Variants in PHKA1 observed in about 807,000 individuals in gnomAD.
The protein encoded by PHKA1 is phosphorylase kinase regulatory subunit alpha 1.
A neutral mutation model predicts 110.2 loss-of-function variants in PHKA1; 60 were observed. That is an observed-to-expected ratio of 0.54 (90% CI 0.44 to 0.68). PHKA1 has a LOEUF of 0.68. PHKA1 is among the 30% of genes least tolerant of loss of function. The probability of loss-of-function intolerance (pLI) is 0.00; values close to 1 mark genes in which losing one functional copy is unlikely to be tolerated. For synonymous variants in PHKA1, 316 were observed against 333.6 expected (o/e 0.95, Z 0.58); for missense variants, 801 against 942.5 (o/e 0.85, Z 1.97).
intron 1 of PHKA1, among the ~76,000 whole-genome samples, chrX:72,713,362 T>C (rs1473778159): frequency 9.0e-6 from 1 of 111,222 alleles, no homozygotes; most frequent in East Asian, 2.8e-4. Flanking sequence ...TCCCCAGAAC[T>C]TACTCATCTT....
intron 8 of PHKA1, among the ~76,000 whole-genome samples, chrX:72,661,850 A>G (rs1156401369): frequency 1.8e-5 from 2 of 110,876 alleles, no homozygotes; most frequent in Non-Finnish European, 3.8e-5. Context: ...ATAAACAACT[A>G]AAATTCAAGT....
intron 5 of PHKA1, among the ~76,000 whole-genome samples, chrX:72,683,494 A>G (rs2053934408): frequency 8.9e-6 from 1 of 112,307 alleles, no homozygotes; most frequent in Non-Finnish European, 1.9e-5. Context: ...ATGGAGGTAT[A>G]AATGATATAC....
chrX:72,684,520 A>G lies in PHKA1; in HGVS notation c.515T>C (p.Ile172Thr), dbSNP rs1556318133. ...VNFIQNLVFY[I>T]EAAYKTADFG... ...TACAGCAGTTTTATATGCAGCTTCA[A>G]TGTAAAACACAAGGTTCTGTATGAA... Residue 172 changes from isoleucine (I) to threonine (T), a missense_variant, in exon 5 of 32, where the codon ATT becomes ACT. Ile to Thr is a moderately conservative substitution (Grantham distance 89). Transcript: ENST00000373542. 5.1e-6 allele frequency: 6 copies of G among 1,169,832 alleles called. No homozygotes were observed. In the African/African-American group the frequency reaches 8.8e-5, roughly 17 times the overall value.
Position 72,593,116 on chromosome X carries a change from T to G in PHKA1, c.3231A>C (p.Lys1077Asn), listed in dbSNP as rs782653573. ...VPVGFYQKVW[K>N]VLQKCHGLSV... Reference sequence around the variant, plus strand: ...GTATTATGCTCACCTTCTGCAAAACTTTCCATACTTTCTGATAAAATCCAA... The same window carrying G: ...GTATTATGCTCACCTTCTGCAAAACGTTCCATACTTTCTGATAAAATCCAA... The change falls in exon 29 of 32, where the codon AAA (lysine) becomes AAC (asparagine). Residue 1077 changes from lysine to asparagine, a missense_variant. Physicochemically the swap from Lys to Asn is moderately conservative, Grantham distance 94. Around this residue, in one of 2 missense-constraint regions of PHKA1, gnomAD observed 502 missense variants for 519.2 expected, o/e 0.97. Transcript: ENST00000373542. 1 of 1,192,888 alleles carries G rather than the reference T, an allele frequency of 8.4e-7. No homozygotes were observed. Among genetic ancestry groups the G allele is most frequent in the Admixed American group, 2.2e-5 (1 of 45,768 alleles).
rs1223487201 is a variant in PHKA1 at position 72,657,599 on chromosome X, T to C, written c.907A>G (p.Thr303Ala). 1 of 1,206,060 alleles carries C rather than the reference T, an allele frequency of 8.3e-7. No individual in the cohort carries two copies. Among genetic ancestry groups the C allele is most frequent in the Non-Finnish European group, 1.1e-6 (1 of 892,152 alleles). ...GAAAAGAAACCTACCTCTTTAGGAG[T>C]TTTATATCCATCTCGTAGAAAGCGA... ...CCRFLRDGYK[T>A]PKEDPNRLYY... is the part of the protein sequence containing the mutation. Residue 303 changes from threonine (T) to alanine (A), a missense_variant, in exon 9 of 32, where the codon ACT becomes GCT. Around this residue, in one of 2 missense-constraint regions of PHKA1, gnomAD observed 299 missense variants for 423.3 expected, o/e 0.71. Transcript: ENST00000373542.
chrX:72,622,508 G>A (rs1342893345), intron 18 of PHKA1: 3 of 754,034 alleles, frequency 4.0e-6, no homozygotes, highest in Non-Finnish European at 4.7e-6. Context: ...CTGTAGGGTA[G>A]TGTTGCTCAG....
At chrX:72,639,807 T>C (rs1267002206) in intron 14 of PHKA1, among the ~76,000 whole-genome samples, 3 of 111,675 alleles carry the variant, frequency 2.7e-5, no homozygotes, top group Non-Finnish European at 5.6e-5. Flanking sequence ...GTTGAAACTA[T>C]GATAACTTAA....
At chrX:72,662,780 A>G (rs59200150) in intron 8 of PHKA1, among the ~76,000 whole-genome samples, 8,054 of 111,274 alleles carry the variant, frequency 0.072, 844 homozygotes, top group East Asian at 0.68. Flanking sequence ...GTACTCACAA[A>G]CATCTATTAT....
chrX:72,703,543 T>G (rs940880429), intron 3 of PHKA1, among the ~76,000 whole-genome samples: 2 of 110,795 alleles, frequency 1.8e-5, no homozygotes, highest in Middle Eastern at 4.6e-3. Flanking sequence ...TAGCAAGGCA[T>G]GGTGGTGCAC....
intron 14 of PHKA1, among the ~76,000 whole-genome samples, chrX:72,641,300 T>G (rs782706829): frequency 6.1e-4 from 68 of 111,722 alleles, no homozygotes; most frequent in African/African-American, 2.1e-3. Flanking sequence ...AATATACAAT[T>G]AAGAAAACAG....
At chrX:72,694,110 C>T (rs1361041223) in intron 4 of PHKA1, among the ~76,000 whole-genome samples, 1 of 112,128 alleles carries the variant, frequency 8.9e-6, no homozygotes, top group Non-Finnish European at 1.9e-5. Context: ...TCTCTTTTAA[C>T]CAAGGTGGAG....
intron 8 of PHKA1, chrX:72,660,682 GAATA>G (rs2053548990): frequency 3.0e-6 from 1 of 333,078 alleles, no homozygotes; most frequent in South Asian, 3.6e-5. Context: ...ATAAATTTCT[GAATA>G]AATTGGCAGA....
intron 2 of PHKA1, among the ~76,000 whole-genome samples, chrX:72,706,516 C>T (rs2054285912): frequency 9.0e-6 from 1 of 111,454 alleles, no homozygotes. Context: ...ATACATGTCA[C>T]CACATACTCA....
intron 23 of PHKA1, among the ~76,000 whole-genome samples, chrX:72,606,354 GCACACACACACA>G (rs61135772): frequency 3.0e-5 from 3 of 101,153 alleles, no homozygotes; most frequent in East Asian, 3.3e-4. Context: ...TCACACACAT[GCACACACACACA>G]CACACACACA....
Position 72,681,395 on chromosome X carries a change from G to T in PHKA1, c.537+3103C>A, listed in dbSNP as rs782755105. Reference sequence around the variant, plus strand: ...AGCCACCCCATCTGGGAGGGAGGTGGGGGGGGGTCAGCCCCCCGCCCGGCC... The same window carrying T: ...AGCCACCCCATCTGGGAGGGAGGTGTGGGGGGGTCAGCCCCCCGCCCGGCC... On this transcript the variant is annotated intron_variant, in intron 5 of 31. Transcript: ENST00000373542. Among the ~76,000 whole-genome samples the T allele has an allele frequency of 2.6e-4, 25 of 95,980 alleles. No homozygotes were observed. The East Asian group carries it at 3.3e-3, about 13-fold the overall frequency. 83.3% of individuals were successfully genotyped at this position (95,980 alleles called of 115,157 possible). A position where few individuals can be genotyped will look rare whatever the true frequency, so the allele number is the denominator to read the frequency against.
At position 72,673,675 on chromosome X, in the gene PHKA1, A is replaced by G. The variant is rs1201358654; in HGVS notation, c.618+2395T>C. Among the ~76,000 whole-genome samples, 19 of 110,732 alleles carry G rather than the reference A, an allele frequency of 1.7e-4. 2 individuals carry two copies. In the Admixed American group the frequency reaches 1.8e-3, roughly 11 times the overall value. ...ACTTTCATTCACTGAAAGAAACAGCATATGATTAAAAAAAAAAGAAAAGAA... is the reference window on the plus strand; with the variant it reads ...ACTTTCATTCACTGAAAGAAACAGCGTATGATTAAAAAAAAAAGAAAAGAA... On this transcript the variant is annotated intron_variant, in intron 6 of 31. Coordinates refer to ENST00000373542, the MANE Select transcript of PHKA1 (RefSeq NM_002637.4).
chrX:72,674,119 C>G (rs1181122193), intron 6 of PHKA1, among the ~76,000 whole-genome samples: 2 of 109,448 alleles, frequency 1.8e-5, no homozygotes, highest in African/African-American at 6.7e-5. Context: ...ATCCATGTCC[C>G]CACAAAGGAC....
At chrX:72,630,514 A>C (rs1490544401) in intron 16 of PHKA1, among the ~76,000 whole-genome samples, 1 of 110,917 alleles carries the variant, frequency 9.0e-6, no homozygotes, top group Non-Finnish European at 1.9e-5. Flanking sequence ...CCTACATCTG[A>C]GAATGTCTTT....
chrX:72,619,898 G>A (rs2052951821), intron 19 of PHKA1, among the ~76,000 whole-genome samples: 2 of 112,077 alleles, frequency 1.8e-5, no homozygotes, highest in South Asian at 7.5e-4. Context: ...GTTCAAGCAA[G>A]TAAGTAGCAG....
Sources: gnomAD v4.1 joint callset for allele counts (sites outside exome capture counted in the v4.1 genomes callset) on GRCh38, gnomAD v4.1.1 for gene constraint, gnomAD v4.1.1 regional missense constraint, MANE v1.5 for transcripts, NCBI Gene and HGNC (gene_info 2026-07-23, HGNC 2026-07-21) for gene names.